The following ATP6V0D2 variants were observed in gnomAD, a reference collection of about 807,000 sequenced individuals.
ATP6V0D2 encodes the protein ATPase H+ transporting V0 subunit d2, also known as V-type proton ATPase subunit d 2.
ATP6V0D2 carries 40 observed loss-of-function variants against 40.0 expected under a neutral mutation model. The ratio of observed to expected loss-of-function variants is 1.00; its 90% CI spans 0.78 to 1.30. The LOEUF (loss-of-function observed/expected upper bound fraction) is 1.30. Among genes scored for constraint, ATP6V0D2 ranks in the 50% most tolerant of loss-of-function variants. The probability of loss-of-function intolerance (pLI) is 0.00; values close to 1 mark genes in which losing one functional copy is unlikely to be tolerated. For missense variants in ATP6V0D2, 470 were observed against 423.1 expected, an observed-to-expected ratio of 1.11 and a Z score of -0.97; for synonymous variants, 179 against 156.3, an observed-to-expected ratio of 1.15 and a Z score of -1.08.
At chr8:86,121,368 G>A (rs1818667134) in intron 2 of ATP6V0D2, among the ~76,000 whole-genome samples, 1 of 152,176 alleles carries the variant, frequency 6.6e-6, no homozygotes, top group Admixed American at 6.5e-5. Context: ...TCAGGAGTTT[G>A]AGACCAGCCT....
intron 2 of ATP6V0D2, among the ~76,000 whole-genome samples, chr8:86,125,801 A>G (rs1818733453): frequency 6.6e-6 from 1 of 152,068 alleles, no homozygotes; most frequent in South Asian, 2.1e-4. Context: ...TTGTTTTAGA[A>G]CAGTGAGATC....
intron 5 of ATP6V0D2, among the ~76,000 whole-genome samples, chr8:86,149,770 T>C (rs1358348684): frequency 2.6e-5 from 4 of 152,106 alleles, no homozygotes; most frequent in East Asian, 1.9e-4. Flanking sequence ...CCCTAAGAAA[T>C]AGGTATTCTC....
intron 5 of ATP6V0D2, among the ~76,000 whole-genome samples, chr8:86,146,268 G>A (rs1812453467): frequency 6.6e-6 from 1 of 152,114 alleles, no homozygotes; most frequent in South Asian, 2.1e-4. Flanking sequence ...GTAAAAAAAG[G>A]ATAGTATCAT....
chr8:86,152,025 G>C (rs4333573), intron 7 of ATP6V0D2, among the ~76,000 whole-genome samples: 40,010 of 151,616 alleles, frequency 0.26, 5,722 homozygotes, highest in Admixed American at 0.31. Context: ...TGCTGCACCC[G>C]TCAACCCATC....
At chr8:86,141,050 C>T (rs1411790039) in intron 3 of ATP6V0D2, among the ~76,000 whole-genome samples, 2 of 152,096 alleles carry the variant, frequency 1.3e-5, no homozygotes, top group East Asian at 3.9e-4. Context: ...AGGGTTTGCT[C>T]TCCTATGAGA....
At chr8:86,121,860 A>G (rs939663268) in intron 2 of ATP6V0D2, among the ~76,000 whole-genome samples, 1 of 152,202 alleles carries the variant, frequency 6.6e-6, no homozygotes, top group Non-Finnish European at 1.5e-5. Flanking sequence ...TTTATTAGAG[A>G]CAGTCTAAAT....
chr8:86,136,069 G>A (rs1226101666), intron 2 of ATP6V0D2, among the ~76,000 whole-genome samples: 1 of 152,072 alleles, frequency 6.6e-6, no homozygotes, highest in Non-Finnish European at 1.5e-5. Flanking sequence ...CCTCATTGTG[G>A]GCCAAGCCCT....
At chr8:86,144,171 T>G (rs1286684451) in intron 5 of ATP6V0D2, among the ~76,000 whole-genome samples, 2 of 152,238 alleles carry the variant, frequency 1.3e-5, no homozygotes, top group African/African-American at 4.8e-5. Context: ...TCCTCTTGCA[T>G]AAGAATGTTG....
At chr8:86,110,497 C>A (rs1220879581) in intron 1 of ATP6V0D2, among the ~76,000 whole-genome samples, 1 of 152,182 alleles carries the variant, frequency 6.6e-6, no homozygotes, top group African/African-American at 2.4e-5. Flanking sequence ...AATGTAAGGA[C>A]TGATCAAGGA....
intron 5 of ATP6V0D2, among the ~76,000 whole-genome samples, chr8:86,145,257 GAA>G (rs1491245547): frequency 8.0e-3 from 378 of 47,322 alleles, no homozygotes; most frequent in South Asian, 0.013. Context: ...GAGAGAGAGA[GAA>G]AGAAAGAAAG....
chr8:86,105,633 T>TTTTTTTTTTC (rs1461178563), intron 1 of ATP6V0D2, among the ~76,000 whole-genome samples: 1 of 148,676 alleles, frequency 6.7e-6, no homozygotes, highest in African/African-American at 2.5e-5. Flanking sequence ...TTTTTTTTTT[T>TTTTTTTTTTC]TTTGAGATGG....
chr8:86,151,514 T>C lies in ATP6V0D2; in HGVS notation c.865T>C (p.Leu289=), dbSNP rs1200264796. The change falls in exon 7 of 8, where the codon TTG becomes CTG. Residue 289 remains leucine (L), a synonymous_variant. Transcript: ENST00000285393. ...EAVGGSGGKT[L]EDVFYEREVQ... ...TGTAGGTGGCAGTGGGGGAAAGACATTGGAGGACGTGTTTTACGAGCGTGA... is the reference window on the plus strand; with the variant it reads ...TGTAGGTGGCAGTGGGGGAAAGACACTGGAGGACGTGTTTTACGAGCGTGA... 6 of 1,608,602 alleles carry C rather than the reference T, an allele frequency of 3.7e-6. No homozygotes were observed. The highest frequency in any genetic ancestry group is 2.7e-5 in the African/African-American group (2 of 74,674).
intron 6 of ATP6V0D2, among the ~76,000 whole-genome samples, chr8:86,150,636 C>G (rs1819132428): frequency 6.6e-6 from 1 of 152,200 alleles, no homozygotes; most frequent in South Asian, 2.1e-4. Context: ...ATAGTCTAAC[C>G]CAGCAGCCCT....
intron 3 of ATP6V0D2, among the ~76,000 whole-genome samples, chr8:86,140,184 G>A (rs890196988): frequency 2.0e-5 from 3 of 152,026 alleles, no homozygotes; most frequent in Admixed American, 6.6e-5. Context: ...TTATAATTTG[G>A]CACTAACAAG....
intron 5 of ATP6V0D2, among the ~76,000 whole-genome samples, chr8:86,146,811 A>G (rs1404478670): frequency 2.6e-5 from 4 of 152,222 alleles, no homozygotes; most frequent in Non-Finnish European, 4.4e-5. Flanking sequence ...TCAGCTTTAC[A>G]TAAATACTTT....
At chr8:86,149,381 C>T (rs975568875) in intron 5 of ATP6V0D2, among the ~76,000 whole-genome samples, 17 of 152,210 alleles carry the variant, frequency 1.1e-4, no homozygotes, top group Admixed American at 5.2e-4. Context: ...TGAAGGGATA[C>T]GAGCCCAGGT....
rs1323924176 is a variant in ATP6V0D2, at chr8:86,145,214, A to AG, written c.639+2261dup. 7.6e-4 allele frequency among the ~76,000 whole-genome samples: 19 copies of AG among 24,972 alleles called. 1 individual carries two copies. Among genetic ancestry groups the AG allele is most frequent in the African/African-American group, 2.1e-3 (10 of 4,770 alleles). The allele number at this position is 24,972 out of a possible 152,430, so 16.4% of individuals were successfully genotyped here. A position where few individuals can be genotyped will look rare whatever the true frequency, so the allele number is the denominator to read the frequency against. On this transcript the variant is annotated intron_variant, in intron 5 of 7. Coordinates refer to ENST00000285393, the MANE Select transcript of ATP6V0D2 (RefSeq NM_152565.1). ...AGAAAGAAAAGAAAGAAAGAAAGAA[A>AG]GAAAGAAAGAAAGAAAGAAAGAGAG...
rs115301165 is a variant in ATP6V0D2 at position 86,099,654 on chromosome 8, C to T, written c.130+546C>T. Among the ~76,000 whole-genome samples, 359 of 152,232 alleles carry T rather than the reference C, an allele frequency of 2.4e-3. 4 individuals carry two copies. The highest frequency in any genetic ancestry group is 8.3e-3 in the African/African-American group (345 of 41,552). Reference sequence around the variant, plus strand: ...GATTACAGGTGCCCACCACCTGGCCCGACTAATTTTTGTACTTTTTGGAGA... The same window carrying T: ...GATTACAGGTGCCCACCACCTGGCCTGACTAATTTTTGTACTTTTTGGAGA... On this transcript the variant is annotated intron_variant, in intron 1 of 7. Transcript: ENST00000285393.
intron 2 of ATP6V0D2, among the ~76,000 whole-genome samples, chr8:86,134,540 A>G (rs1818871344): frequency 6.6e-6 from 1 of 152,206 alleles, no homozygotes; most frequent in Non-Finnish European, 1.5e-5. Context: ...GGGAAGGAAA[A>G]GACACTTAAA....
Sources: allele counts gnomAD v4.1 joint callset (sites outside exome capture counted in the v4.1 genomes callset), GRCh38; gene constraint gnomAD v4.1.1; transcripts MANE v1.5; gene names NCBI Gene and HGNC (gene_info 2026-07-23, HGNC 2026-07-21).